CNTN4: variants seen among roughly 807,000 people sequenced by gnomAD.
CNTN4 encodes the protein contactin 4.
Under a neutral mutation model 122.5 loss-of-function variants are expected in CNTN4, and 77 were observed. The ratio of observed to expected loss-of-function variants is 0.63; its 90% CI spans 0.52 to 0.76. CNTN4 has a LOEUF of 0.76. Ranked by LOEUF, CNTN4 falls within the 30% of genes least tolerant of loss-of-function variation. CNTN4 has a pLI of 0.00. For missense variants in CNTN4, 1,256 were observed against 1,259.1 expected, an observed-to-expected ratio of 1.00 and a Z score of 0.04; for synonymous variants, 512 against 447.0, an observed-to-expected ratio of 1.15 and a Z score of -1.83.
At chr3:2,295,828 T>C (rs145078338) in intron 2 of CNTN4, among the ~76,000 whole-genome samples, 2 of 151,904 alleles carry the variant, frequency 1.3e-5, no homozygotes, top group Non-Finnish European at 2.9e-5. Context: ...ATGTGAGTCT[T>C]TAATCCATCT....
At chr3:3,047,725 A>C (rs1700814930) in intron 23 of CNTN4, among the ~76,000 whole-genome samples, 1 of 150,680 alleles carries the variant, frequency 6.6e-6, no homozygotes, top group South Asian at 2.1e-4. Context: ...GAACTAGAGA[A>C]GCAAGAGCAA....
intron 2 of CNTN4, among the ~76,000 whole-genome samples, chr3:2,293,111 A>G (rs2042191711): frequency 7.8e-6 from 1 of 128,708 alleles, no homozygotes; most frequent in African/African-American, 3.0e-5. Context: ...GTGCTATTGC[A>G]CTGTGGTTTA....
At chr3:2,452,441 C>A (rs556979673) in intron 3 of CNTN4, among the ~76,000 whole-genome samples, 1 of 152,168 alleles carries the variant, frequency 6.6e-6, no homozygotes, top group East Asian at 1.9e-4. Context: ...GAGAGAGATT[C>A]TATTTGGGAA....
intron 4 of CNTN4, among the ~76,000 whole-genome samples, chr3:2,602,244 G>A (rs544613494): frequency 6.6e-6 from 1 of 152,232 alleles, no homozygotes; most frequent in East Asian, 1.9e-4. Context: ...TCTGGCCAGG[G>A]CAATCAGGCA....
intron 2 of CNTN4, among the ~76,000 whole-genome samples, chr3:2,223,518 C>T (rs2039144825): frequency 6.6e-6 from 1 of 152,136 alleles, no homozygotes. Context: ...GTCTCAGTTG[C>T]TTCATCTATG....
chr3:2,541,013 A>T (rs560412185), intron 3 of CNTN4, among the ~76,000 whole-genome samples: 2 of 152,230 alleles, frequency 1.3e-5, no homozygotes, highest in East Asian at 3.9e-4. Flanking sequence ...GGGTTATGAG[A>T]TTTCTTCACT....
rs190165033 is a variant in CNTN4, at chr3:2,561,578, T to G, written c.-88-9838T>G. ...TCCTTCCACTGCTTGCCCCTCTTGT[T>G]TTTTCCAGCAAGTTTGCCGACTCAA... On this transcript the variant is annotated intron_variant, in intron 3 of 24. Transcript: ENST00000418658. Among the ~76,000 whole-genome samples the G allele has an allele frequency of 9.2e-5, 14 of 152,222 alleles. No homozygotes were observed. In the East Asian group the frequency reaches 2.5e-3, roughly 27 times the overall value.
intron 2 of CNTN4, among the ~76,000 whole-genome samples, chr3:2,142,672 A>C (rs1197398787): frequency 1.3e-5 from 2 of 152,064 alleles, no homozygotes; most frequent in Non-Finnish European, 2.9e-5. Flanking sequence ...CTCCCTTTTT[A>C]ATCTTCCCCT....
At chr3:2,740,897 A>G (rs915348966) in intron 5 of CNTN4, among the ~76,000 whole-genome samples, 1 of 152,222 alleles carries the variant, frequency 6.6e-6, no homozygotes, top group East Asian at 1.9e-4. Context: ...TTGTTCATTT[A>G]TCAAACATAT....
At chr3:2,817,197 G>A (rs989631669) in intron 6 of CNTN4, among the ~76,000 whole-genome samples, 6 of 152,138 alleles carry the variant, frequency 3.9e-5, no homozygotes, top group African/African-American at 1.4e-4. Context: ...ATATGCTTTG[G>A]CACTAAATCA....
At position 2,641,391 on chromosome 3, in the gene CNTN4, T is replaced by G. The variant is rs531501813; in HGVS notation, c.55+69833T>G. On this transcript the variant is annotated intron_variant, in intron 4 of 24. Coordinates refer to ENST00000418658, the MANE Select transcript of CNTN4 (RefSeq NM_175607.3). ...ACGTGAAAGCAGGAAACACTTAAAT[T>G]GTCCAGAAATCAGCCTTTGCATTAA... 1.4e-4 allele frequency among the ~76,000 whole-genome samples: 22 copies of G among 152,300 alleles called. 1 individual carries two copies. The South Asian group carries it at 4.6e-3, about 32-fold the overall frequency.
chr3:2,103,497 A>G (rs2032166298), intron 2 of CNTN4, among the ~76,000 whole-genome samples: 2 of 152,096 alleles, frequency 1.3e-5, no homozygotes, highest in South Asian at 2.1e-4. Context: ...TCCTCTGAAG[A>G]TTCTATTGTG....
chr3:2,586,288 G>C (rs1245152438), intron 4 of CNTN4, among the ~76,000 whole-genome samples: 1 of 152,022 alleles, frequency 6.6e-6, no homozygotes, highest in African/African-American at 2.4e-5. Context: ...TTGTTGTTTT[G>C]TTTGTTCATT....
In CNTN4 at chr3:3,034,803, A is replaced by G; in HGVS notation, c.1942+13A>G. 3 of 1,613,986 alleles carry G rather than the reference A, an allele frequency of 1.9e-6. No homozygotes were observed. The highest frequency in any genetic ancestry group is 2.2e-5 in the East Asian group (1 of 44,882). On this transcript the variant is annotated intron_variant, in intron 17 of 24. Transcript: ENST00000418658. ...GCAGTCAGTACAGGTACCATATTGG[A>G]TGCTTGGCTCAGAGACATTGGGAAC...
At chr3:2,506,299 G>A (rs963923335) in intron 3 of CNTN4, among the ~76,000 whole-genome samples, 1 of 152,172 alleles carries the variant, frequency 6.6e-6, no homozygotes, top group African/African-American at 2.4e-5. Flanking sequence ...CCCTGGAGCC[G>A]ACAAAAGAGC....
intron 8 of CNTN4, among the ~76,000 whole-genome samples, chr3:2,871,741 G>T (rs2093786839): frequency 6.6e-6 from 1 of 152,076 alleles, no homozygotes; most frequent in Admixed American, 6.6e-5. Context: ...AGGCTGTTTG[G>T]GCTCTAGATT....
chr3:2,802,544 C>T lies in CNTN4; in HGVS notation c.359-16942C>T, dbSNP rs575029160. ...TGTCAGATGAGCTTCTTTCAGACCA[C>T]GAATTCAATGTCAATGAGTCAGCAT... On this transcript the variant is annotated intron_variant, in intron 6 of 24. Coordinates refer to ENST00000418658, the MANE Select transcript of CNTN4 (RefSeq NM_175607.3). Among the ~76,000 whole-genome samples the T allele has an allele frequency of 2.0e-5, 3 of 152,240 alleles. No individual in the cohort carries two copies. The South Asian group carries it at 6.2e-4, about 32-fold the overall frequency.
intron 6 of CNTN4, among the ~76,000 whole-genome samples, chr3:2,781,946 A>G (rs1337892336): frequency 1.3e-5 from 2 of 148,258 alleles, no homozygotes; most frequent in African/African-American, 5.0e-5. Flanking sequence ...GATGGTCTCG[A>G]TCTCCTGACC....
chr3:2,895,823 A>G (rs1264125470), intron 10 of CNTN4, among the ~76,000 whole-genome samples: 1 of 152,192 alleles, frequency 6.6e-6, no homozygotes, highest in African/African-American at 2.4e-5. Flanking sequence ...TCACAAGGTC[A>G]GGAGATCGAG....
Sources: allele counts gnomAD v4.1 joint callset (sites outside exome capture counted in the v4.1 genomes callset), GRCh38; gene constraint gnomAD v4.1.1; transcripts MANE v1.5; gene names NCBI Gene and HGNC (gene_info 2026-07-23, HGNC 2026-07-21).